Variants in DLG1 observed in about 807,000 individuals in gnomAD.
DLG1 encodes disks large homolog 1.
DLG1 carries 42 observed loss-of-function variants against 123.4 expected under a neutral mutation model. The ratio of observed to expected loss-of-function variants is 0.34; its 90% CI spans 0.27 to 0.44. DLG1 has a LOEUF of 0.44. Ranked by LOEUF, DLG1 falls within the 20% of genes least tolerant of loss-of-function variation. The pLI is 1.00. For missense variants in DLG1, 942 were observed against 1,082.6 expected (o/e 0.87, Z 1.82); for synonymous variants, 317 against 356.2 (o/e 0.89, Z 1.24).
intron 10 of DLG1, among the ~76,000 whole-genome samples, chr3:197,133,605 GAA>G (rs1248376407): frequency 6.6e-6 from 1 of 152,180 alleles, no homozygotes. Context: ...TTACGCCAGA[GAA>G]AAGTTATTTG....
intron 15 of DLG1, among the ~76,000 whole-genome samples, chr3:197,087,122 G>A (rs915295823): frequency 2.6e-5 from 4 of 152,128 alleles, no homozygotes; most frequent in Non-Finnish European, 4.4e-5. Flanking sequence ...ATTCACCTGC[G>A]TATATTCCCT....
chr3:197,069,407 T>C, intron 18 of DLG1, 147 bp from the exon 19 acceptor site: 1 of 479,312 alleles, frequency 2.1e-6, no homozygotes, highest in Non-Finnish European at 3.7e-6. Flanking sequence ...TTTAAGTTTT[T>C]CAAATAATAA....
chr3:197,123,851 C>T (rs917283711), intron 11 of DLG1, among the ~76,000 whole-genome samples: 71 of 152,280 alleles, frequency 4.7e-4, no homozygotes, highest in African/African-American at 1.6e-3. Flanking sequence ...TTGTTGTACA[C>T]TTATACAATG....
chr3:197,076,597 C>T lies in DLG1; in HGVS notation c.1994G>A (p.Ser665Asn). Reference protein sequence around the residue: ...KNKDQSEQETSDADQHVTSNA... With the variant: ...KNKDQSEQETNDADQHVTSNA... ...ATCCACATACTTACGGTCAGCATCA[C>T]TTGTTTCCTGCTCACTCTGGTCCTT... Residue 665 changes from serine (S) to asparagine (N), a missense_variant, in exon 18 of 25, where the codon AGT (serine) becomes AAT (asparagine). Physicochemically the swap from Ser to Asn is conservative, Grantham distance 46 (BLOSUM62 1). Transcript: ENST00000667157. 1.2e-6 allele frequency: 2 copies of T among 1,611,766 alleles called. No homozygotes were observed. Among genetic ancestry groups the T allele is most frequent in the Non-Finnish European group, 1.7e-6 (2 of 1,178,386 alleles).
intron 20 of DLG1, 28 bp from the exon 21 acceptor site, chr3:197,065,837 G>A (rs1739131898): frequency 7.7e-7 from 1 of 1,293,432 alleles, no homozygotes; most frequent in Non-Finnish European, 1.1e-6. Flanking sequence ...ATGTTAAAAG[G>A]AATAAACATT....
At chr3:197,196,775 G>A (rs1413876391) in intron 4 of DLG1, among the ~76,000 whole-genome samples, 2 of 152,032 alleles carry the variant, frequency 1.3e-5, no homozygotes, top group African/African-American at 2.4e-5. Context: ...AATTGAATGA[G>A]GAAAGGATGT....
intron 13 of DLG1, among the ~76,000 whole-genome samples, chr3:197,106,989 A>G (rs1766834204): frequency 6.6e-6 from 1 of 152,184 alleles, no homozygotes; most frequent in African/African-American, 2.4e-5. Flanking sequence ...TCATTACCCC[A>G]AAAAGAAACT....
chr3:197,077,694 C>T (rs1748195658), intron 17 of DLG1, among the ~76,000 whole-genome samples: 1 of 152,118 alleles, frequency 6.6e-6, no homozygotes, highest in Non-Finnish European at 1.5e-5. Context: ...CAAGTTTTTC[C>T]TTGAATGTCT....
intron 24 of DLG1, among the ~76,000 whole-genome samples, chr3:197,045,364 A>G (rs1365867818): frequency 1.3e-5 from 2 of 152,210 alleles, no homozygotes; most frequent in Non-Finnish European, 2.9e-5. Flanking sequence ...GTGAGGGATT[A>G]GTTAATAAAG....
chr3:197,116,156 T>TC, intron 12 of DLG1, 73 bp from the exon 13 acceptor site: 2 of 1,174,732 alleles, frequency 1.7e-6, no homozygotes, highest in Non-Finnish European at 2.4e-6. Context: ...GAGAACTACC[T>TC]ACTGATAATT....
rs552524429 is a variant in DLG1 at position 197,295,606 on chromosome 3, T to C, written c.151+740A>G. On this transcript the variant is annotated intron_variant, in intron 3 of 24. Coordinates refer to ENST00000667157, the MANE Select transcript of DLG1 (RefSeq NM_001366207.1). ...GTCACCTTGTTTTATACATAGGAGATTATACACAAAATATGAGATGATGCT... is the reference window on the plus strand; with the variant it reads ...GTCACCTTGTTTTATACATAGGAGACTATACACAAAATATGAGATGATGCT... 4.1e-3 allele frequency among the ~76,000 whole-genome samples: 618 copies of C among 152,240 alleles called. 12 individuals are homozygous for C. Among genetic ancestry groups the C allele is most frequent in the Middle Eastern group, 0.017 (5 of 294 alleles).
rs575616400 is a variant in DLG1 at position 197,181,414 on chromosome 3, T to C, written c.483+13011A>G. Among the ~76,000 whole-genome samples the C allele has an allele frequency of 2.6e-5, 4 of 152,312 alleles. No homozygotes were observed. The East Asian group carries it at 5.8e-4, about 22-fold the overall frequency. On this transcript the variant is annotated intron_variant, in intron 5 of 24. Coordinates refer to ENST00000667157, the MANE Select transcript of DLG1 (RefSeq NM_001366207.1). ...AAACACTATGACCTTATTATATTCA[T>C]AGGTATATATTATATGCTCTAAGTA...
At chr3:197,158,893 T>C (rs150978578) in intron 5 of DLG1, among the ~76,000 whole-genome samples, 1 of 152,282 alleles carries the variant, frequency 6.6e-6, no homozygotes, top group Admixed American at 6.5e-5. Context: ...TGATAGCTTT[T>C]CAGAACTGAT....
rs1440241496 is a variant in DLG1 at position 197,211,866 on chromosome 3, T to TA, written c.319-17278dup. Among the ~76,000 whole-genome samples the TA allele has an allele frequency of 6.2e-5, 9 of 145,678 alleles. 3 individuals carry two copies. The highest frequency in any genetic ancestry group is 1.4e-4 in the Non-Finnish European group (9 of 64,924). The stretch of plus-strand genomic sequence containing the variant: ...ACATGGACATCAATGACAGACTGGC[T>TA]AAAAAAAATGTGGTACATATACACC... On this transcript the variant is annotated intron_variant, in intron 4 of 24. Coordinates refer to ENST00000667157, the MANE Select transcript of DLG1 (RefSeq NM_001366207.1).
At chr3:197,217,386 G>A (rs1734644214) in intron 4 of DLG1, among the ~76,000 whole-genome samples, 1 of 152,146 alleles carries the variant, frequency 6.6e-6, no homozygotes, top group Non-Finnish European at 1.5e-5. Flanking sequence ...TCAAGATTAT[G>A]AACCATCGAA....
At chr3:197,054,083 G>A (rs1005522257) in intron 23 of DLG1, among the ~76,000 whole-genome samples, 2 of 152,114 alleles carry the variant, frequency 1.3e-5, no homozygotes, top group Non-Finnish European at 2.9e-5. Context: ...GTGACAAAGC[G>A]AGACCTTGTC....
chr3:197,240,734 A>G lies in DLG1; in HGVS notation c.318+41945T>C, dbSNP rs112938475. On this transcript the variant is annotated intron_variant, in intron 4 of 24. Coordinates refer to ENST00000667157, the MANE Select transcript of DLG1 (RefSeq NM_001366207.1). ...AACACCAAAAGAAAAGAAAAGAAAA[A>G]AATCAAACAGAAATCTTGGAACTGA... 7.9e-3 allele frequency among the ~76,000 whole-genome samples: 1,201 copies of G among 151,706 alleles called. 12 individuals are homozygous for G. Among genetic ancestry groups the G allele is most frequent in the African/African-American group, 0.026 (1,095 of 41,384 alleles).
rs990891522 is a variant in DLG1 at position 197,194,315 on chromosome 3, G to A, written c.483+110C>T. 8.7e-6 allele frequency: 5 copies of A among 572,146 alleles called. No homozygotes were observed. In the African/African-American group the frequency reaches 9.7e-5, roughly 11 times the overall value. 35.4% of individuals were successfully genotyped at this position (572,146 alleles called of 1,614,324 possible). On this transcript the variant is annotated intron_variant, in intron 5 of 24. Transcript: ENST00000667157. ...CATAACTATGAAACTAAAATGGGGG[G>A]GTGGGGTAGGGCGAACCTACATGAA...
At chr3:197,057,949 TA>T (rs1300666261) in intron 23 of DLG1, among the ~76,000 whole-genome samples, 4 of 152,110 alleles carry the variant, frequency 2.6e-5, no homozygotes, top group Admixed American at 2.6e-4. Flanking sequence ...TGCTCTGCCA[TA>T]TTTTTTATTT....
Sources: allele counts gnomAD v4.1 joint callset (sites outside exome capture counted in the v4.1 genomes callset), GRCh38; gene constraint gnomAD v4.1.1; transcripts MANE v1.5; gene names NCBI Gene and HGNC (gene_info 2026-07-23, HGNC 2026-07-21).